Variants in CDH23 observed in about 807,000 individuals in gnomAD.
The protein encoded by CDH23 is cadherin-23.
Under a neutral mutation model 317.1 loss-of-function variants are expected in CDH23, and 189 were observed. That is an observed-to-expected ratio of 0.60 (90% CI 0.53 to 0.67). CDH23 has a LOEUF of 0.67. Among genes scored for constraint, CDH23 ranks in the 30% least tolerant of loss-of-function variants. CDH23 has a pLI of 0.00. For missense variants in CDH23, 4,401 were observed against 4,592.4 expected (o/e 0.96, Z 1.20); for synonymous variants, 1,839 against 1,876.8 (o/e 0.98, Z 0.52).
At chr10:71,628,098 G>C (rs1352896829) in intron 11 of CDH23, among the ~76,000 whole-genome samples, 1 of 152,196 alleles carries the variant, frequency 6.6e-6, no homozygotes, top group Non-Finnish European at 1.5e-5. Flanking sequence ...GAACAAGGCT[G>C]CAGTAAGCAC....
At chr10:71,480,039 A>G (rs1196161359) in intron 3 of CDH23, among the ~76,000 whole-genome samples, 1 of 149,088 alleles carries the variant, frequency 6.7e-6, no homozygotes, top group Non-Finnish European at 1.5e-5. Context: ...TGCTGTCTCA[A>G]CATGTTGCCT....
rs944631023 is a variant in CDH23 at position 71,803,433 on chromosome 10, C to A, written c.7872+13C>A. On this transcript the variant is annotated intron_variant, in intron 55 of 69. Transcript: ENST00000224721. The stretch of plus-strand genomic sequence containing the variant: ...CCACATCAGAGAGGTACTCCTGCCC[C>A]GAGGGCCTCCTGCCCACCAGTATTT... 6.4e-7 allele frequency: 1 copy of A among 1,568,496 alleles called. No homozygotes were observed. The highest frequency in any genetic ancestry group is 8.6e-7 in the Non-Finnish European group (1 of 1,156,532).
intron 6 of CDH23, among the ~76,000 whole-genome samples, chr10:71,550,300 C>T (rs1856507173): frequency 6.6e-6 from 1 of 152,162 alleles, no homozygotes; most frequent in Admixed American, 6.5e-5. Context: ...CTGACTATTC[C>T]AGTGACTTGG....
At chr10:71,696,534 A>G (rs1865398620) in intron 22 of CDH23, among the ~76,000 whole-genome samples, 1 of 152,226 alleles carries the variant, frequency 6.6e-6, no homozygotes, top group South Asian at 2.1e-4. Context: ...TCTGACTTGG[A>G]GACAAGGGAT....
intron 30 of CDH23, among the ~76,000 whole-genome samples, chr10:71,727,207 A>G (rs1294726514): frequency 6.6e-6 from 1 of 152,258 alleles, no homozygotes; most frequent in Non-Finnish European, 1.5e-5. Flanking sequence ...AAGAGGAATT[A>G]GCCGACTTGT....
intron 6 of CDH23, among the ~76,000 whole-genome samples, chr10:71,524,270 G>A (rs771195030): frequency 5.3e-5 from 8 of 152,158 alleles, no homozygotes; most frequent in South Asian, 2.1e-4. Context: ...GGGACTCAGC[G>A]GATTTGTTGC....
chr10:71,724,463 C>CCT (rs1210764927), intron 29 of CDH23, among the ~76,000 whole-genome samples: 2 of 152,212 alleles, frequency 1.3e-5, no homozygotes, highest in Non-Finnish European at 2.9e-5. Context: ...CAGGCGCATG[C>CCT]CTGTAATTTT....
chr10:71,412,591 T>C (rs1848386298), intron 1 of CDH23, among the ~76,000 whole-genome samples: 1 of 152,044 alleles, frequency 6.6e-6, no homozygotes, highest in African/African-American at 2.4e-5. Context: ...GCACTACAGT[T>C]TAGAACTCCT....
chr10:71,706,287 G>A (rs904821482), intron 25 of CDH23, among the ~76,000 whole-genome samples: 4 of 152,244 alleles, frequency 2.6e-5, no homozygotes, highest in Admixed American at 2.6e-4. Flanking sequence ...ACCTTATTTC[G>A]GGGGGTGGGA....
chr10:71,755,320 C>T (rs756488523), intron 38 of CDH23: 7 of 1,559,900 alleles, frequency 4.5e-6, no homozygotes, highest in South Asian at 3.5e-5. Flanking sequence ...GCAGGTCACT[C>T]GCACCGTCCA....
chr10:71,575,022 TA>T (rs2132390058), intron 8 of CDH23, among the ~76,000 whole-genome samples: 1 of 149,644 alleles, frequency 6.7e-6, no homozygotes, highest in Admixed American at 6.6e-5. Flanking sequence ...TGCTCACACA[TA>T]CCCCCATGTG....
At chr10:71,796,045 AGAGGAGGAG>A (rs747095097) in intron 48 of CDH23, 2 of 986,382 alleles carry the variant, frequency 2.0e-6, no homozygotes, top group Admixed American at 6.2e-5. Context: ...GAGAGTAGGA[AGAGGAGGAG>A]GAGGAGGAGG....
At chr10:71,798,315 T>C (rs988133027) in intron 49 of CDH23, 39 bp from the exon 50 acceptor site, 3 of 1,500,804 alleles carry the variant, frequency 2.0e-6, no homozygotes, top group African/African-American at 1.4e-5. Context: ...GCCACACTAG[T>C]GTCCTTCCCC....
At chr10:71,701,701 A>G (rs1045090114) in intron 22 of CDH23, among the ~76,000 whole-genome samples, 11 of 152,100 alleles carry the variant, frequency 7.2e-5, no homozygotes, top group African/African-American at 2.2e-4. Flanking sequence ...TGGTGTCACA[A>G]TCTAATGCTT....
intron 26 of CDH23, chr10:71,707,366 C>T: frequency 7.3e-7 from 1 of 1,371,702 alleles, no homozygotes; most frequent in East Asian, 2.7e-5. Flanking sequence ...GCCCTGAGCC[C>T]CACTCCCCGC....
chr10:71,783,474 C>G (rs533277121), intron 41 of CDH23, among the ~76,000 whole-genome samples: 1 of 152,300 alleles, frequency 6.6e-6, no homozygotes, highest in South Asian at 2.1e-4. Flanking sequence ...AAGTGGTAAC[C>G]CTCCCCTGGG....
chr10:71,571,178 C>A (rs942953378), intron 8 of CDH23, among the ~76,000 whole-genome samples: 1 of 152,224 alleles, frequency 6.6e-6, no homozygotes, highest in Non-Finnish European at 1.5e-5. Context: ...TAACGGGGAG[C>A]CATTCAGACA....
Position 71,645,839 on chromosome 10 carries a change from C to A in CDH23, c.1149C>A (p.Asn383Lys), listed in dbSNP as rs747106189. Residue 383 changes from asparagine (N) to lysine (K), a missense_variant, in exon 13 of 70, where the codon AAC (asparagine) becomes AAA (lysine). Transcript: ENST00000224721. ...VVDKDENLGL[N>K]SMFEVYLVGN... ...CTGCACTCTTGACCCAGGGCCTGAA[C>A]AGCATGTTTGAGGTGTACTTGGTGG... The A allele has an allele frequency of 1.2e-5, 19 of 1,610,584 alleles. No homozygotes were observed. Among genetic ancestry groups the A allele is most frequent in the Middle Eastern group, 3.3e-4 (2 of 6,070 alleles).
chr10:71,812,798 A>G lies in CDH23; in HGVS notation c.9541A>G (p.Lys3181Glu). The G allele has an allele frequency of 6.2e-7, 1 of 1,613,444 alleles. No homozygotes were observed. Among genetic ancestry groups the G allele is most frequent in the Non-Finnish European group, 8.5e-7 (1 of 1,179,616 alleles). ...GTFGREPAAV[K>E]PDDDRYLRAA... is the part of the protein sequence containing the mutation. ...TTTTGGGCGTGAGCCAGCAGCTGTC[A>G]AGCCTGATGATGACCGATACCTGCG... Residue 3181 changes from lysine to glutamate, a missense_variant, in exon 68 of 70, where the codon AAG (lysine) becomes GAG (glutamate). This residue lies in a region of CDH23 where 1,144 missense variants were observed against 1,138.2 expected (regional missense o/e 1.01). Transcript: ENST00000224721.
Sources: gnomAD v4.1 joint callset for allele counts (sites outside exome capture counted in the v4.1 genomes callset) on GRCh38, gnomAD v4.1.1 for gene constraint, gnomAD v4.1.1 regional missense constraint, MANE v1.5 for transcripts, NCBI Gene and HGNC (gene_info 2026-07-23, HGNC 2026-07-21) for gene names.